The following KLF13 variants were observed in gnomAD, a reference collection of about 807,000 sequenced individuals.
The protein encoded by KLF13 is Krueppel-like factor 13.
Under a neutral mutation model 16.7 loss-of-function variants are expected in KLF13, and 8 were observed. The observed-to-expected ratio is 0.48, with a 90% confidence interval of 0.28 to 0.87. The LOEUF (loss-of-function observed/expected upper bound fraction) is 0.87. Ranked by LOEUF, KLF13 falls within the 40% of genes least tolerant of loss-of-function variation. The pLI is 0.10. For missense variants in KLF13, 447 were observed against 452.2 expected, an observed-to-expected ratio of 0.99 and a Z score of 0.10; for synonymous variants, 245 against 208.4, an observed-to-expected ratio of 1.18 and a Z score of -1.51.
Position 31,327,297 on chromosome 15 carries a change from G to A in KLF13, c.85G>A (p.Glu29Lys). ...SSRAVVHGPR[E>K]GPESRPEGAA... ...CCGCGCGGTCGTGCACGGGCCGCGG[G>A]AGGGGCCGGAGTCCCGGCCCGAGGG... is the stretch of plus-strand genomic sequence containing the variant. The change falls in exon 1 of 2, where the codon GAG (glutamate) becomes AAG (lysine). Residue 29 changes from glutamate to lysine, a missense_variant. By Grantham distance (56) the Glu-to-Lys change is moderately conservative. Coordinates refer to ENST00000307145, the MANE Select transcript of KLF13 (RefSeq NM_015995.4). 1 of 1,306,058 alleles carries A rather than the reference G, an allele frequency of 7.7e-7. No homozygotes were observed. The highest frequency in any genetic ancestry group is 2.0e-5 in the South Asian group (1 of 49,484). The allele number at this position is 1,306,058 out of a possible 1,614,324, so 80.9% of individuals were successfully genotyped here.
intron 1 of KLF13, among the ~76,000 whole-genome samples, chr15:31,348,921 G>A (rs887123112): frequency 6.6e-6 from 1 of 152,154 alleles, no homozygotes; most frequent in Non-Finnish European, 1.5e-5. Context: ...AGTAGAGGGA[G>A]CAAAGGGATT....
At chr15:31,343,873 G>A (rs1480308436) in intron 1 of KLF13, among the ~76,000 whole-genome samples, 4 of 152,074 alleles carry the variant, frequency 2.6e-5, no homozygotes, top group African/African-American at 4.8e-5. Flanking sequence ...AGTCTTCCCT[G>A]GGAGACCTCT....
At chr15:31,406,144 A>G (rs2140997637), downstream of KLF13, among the ~76,000 whole-genome samples, 1 of 152,344 alleles carries the variant, frequency 6.6e-6, no homozygotes, top group Admixed American at 6.5e-5. Flanking sequence ...AGAGTCTGAC[A>G]GGGCAGGTGA....
chr15:31,419,510 T>C (rs560676208), intron 1 of KLF13, among the ~76,000 whole-genome samples: 1 of 152,112 alleles, frequency 6.6e-6, no homozygotes, highest in South Asian at 2.1e-4. Context: ...GAGCCGAAGA[T>C]TGCAATAACT....
At chr15:31,348,348 G>C (rs1291648745) in intron 1 of KLF13, among the ~76,000 whole-genome samples, 1 of 152,140 alleles carries the variant, frequency 6.6e-6, no homozygotes, top group East Asian at 1.9e-4. Flanking sequence ...CCTTCCGAAA[G>C]GAAAAACCAC....
intron 1 of KLF13, among the ~76,000 whole-genome samples, chr15:31,359,613 G>T (rs2039350832): frequency 6.6e-6 from 1 of 152,228 alleles, no homozygotes. Flanking sequence ...AGAAAGGACA[G>T]TCACACACAA....
At chr15:31,407,418 C>G (rs1292541535), downstream of KLF13, among the ~76,000 whole-genome samples, 2 of 152,186 alleles carry the variant, frequency 1.3e-5, no homozygotes, top group Non-Finnish European at 2.9e-5. Context: ...GGCAGAGAAA[C>G]AAGCTCAGCA....
At chr15:31,434,199 C>T (rs151157438) in intron 1 of KLF13, among the ~76,000 whole-genome samples, 21 of 152,236 alleles carry the variant, frequency 1.4e-4, no homozygotes, top group African/African-American at 3.9e-4. Flanking sequence ...CCCCATTCTA[C>T]GGATGGGGAA....
intron 1 of KLF13, among the ~76,000 whole-genome samples, chr15:31,415,114 C>G (rs2040239908): frequency 6.6e-6 from 1 of 152,132 alleles, no homozygotes; most frequent in Non-Finnish European, 1.5e-5. Context: ...GCCATGTGAT[C>G]TCTGTACACG....
At chr15:31,378,839 C>T (rs72722843), downstream of KLF13, among the ~76,000 whole-genome samples, 33,179 of 152,190 alleles carry the variant, frequency 0.22, 4,468 homozygotes, top group South Asian at 0.32. Context: ...TCTGCCTCAG[C>T]TTCCTGAGTA....
chr15:31,386,790 G>C (rs980101138), intron 1 of KLF13, among the ~76,000 whole-genome samples: 4 of 152,240 alleles, frequency 2.6e-5, no homozygotes, highest in African/African-American at 9.6e-5. Context: ...TTAAGTTAAA[G>C]CCAGTGCTAA....
chr15:31,355,306 C>T (rs1002421280), intron 1 of KLF13, among the ~76,000 whole-genome samples: 4 of 152,218 alleles, frequency 2.6e-5, no homozygotes, highest in Non-Finnish European at 5.9e-5. Context: ...AGGGCCAGCA[C>T]TCTCCAATGG....
Position 31,372,429 on chromosome 15 carries a change from CAAAGT to C in KLF13, c.*134_*138del. 4.8e-6 allele frequency: 5 copies of C among 1,035,688 alleles called. No homozygotes were observed. The highest frequency in any genetic ancestry group is 2.6e-5 in the South Asian group (1 of 38,384). The allele number at this position is 1,035,688 out of a possible 1,614,324, so 64.2% of individuals were successfully genotyped here. The stretch of plus-strand genomic sequence containing the variant: ...AAACAATTTTTTTCACCTCAGGTGT[CAAAGT>C]AAATTTGTTAAAAAAACAAAAAAAA... On this transcript the variant is annotated 3_prime_UTR_variant, in exon 2 of 2. Transcript: ENST00000307145.
At chr15:31,345,840 TCAG>T (rs2039106617) in intron 1 of KLF13, among the ~76,000 whole-genome samples, 4 of 152,126 alleles carry the variant, frequency 2.6e-5, no homozygotes, top group Non-Finnish European at 4.4e-5. Flanking sequence ...ATTTGCACCG[TCAG>T]TTTACCGGGG....
intron 1 of KLF13, among the ~76,000 whole-genome samples, chr15:31,432,889 C>A (rs981094063): frequency 2.2e-4 from 33 of 151,962 alleles, no homozygotes; most frequent in African/African-American, 6.5e-4. Flanking sequence ...CCGAGGCAGG[C>A]GGATAACTTG....
chr15:31,337,225 C>T (rs879449590), intron 1 of KLF13, among the ~76,000 whole-genome samples: 4 of 152,222 alleles, frequency 2.6e-5, no homozygotes, highest in African/African-American at 7.2e-5. Flanking sequence ...TCCATCCCAT[C>T]GCTGAGGTCT....
upstream of KLF13, among the ~76,000 whole-genome samples, chr15:31,392,403 C>T (rs1294231265): frequency 6.6e-6 from 1 of 152,170 alleles, no homozygotes; most frequent in Non-Finnish European, 1.5e-5. Flanking sequence ...GACGGGGCGG[C>T]GGTGCTGAGC....
At chr15:31,391,085 G>A (rs953116786), upstream of KLF13, among the ~76,000 whole-genome samples, 1 of 119,806 alleles carries the variant, frequency 8.3e-6, no homozygotes, top group Non-Finnish European at 1.8e-5. Flanking sequence ...GGACTATGGC[G>A]GGGGTGGATA....
chr15:31,345,877 T>G (rs2039107415), intron 1 of KLF13, among the ~76,000 whole-genome samples: 1 of 152,168 alleles, frequency 6.6e-6, no homozygotes, highest in African/African-American at 2.4e-5. Context: ...TGGGGAGGGC[T>G]GCAACTGCTC....
Sources: gnomAD v4.1 joint callset for allele counts (sites outside exome capture counted in the v4.1 genomes callset) on GRCh38, gnomAD v4.1.1 for gene constraint, MANE v1.5 for transcripts, NCBI Gene and HGNC (gene_info 2026-07-23, HGNC 2026-07-21) for gene names.